The following DENND2B variants were observed in gnomAD, a reference collection of about 807,000 sequenced individuals.
DENND2B encodes DENN domain containing 2B, also known as DENN domain-containing protein 2B.
In DENND2B, 32 loss-of-function variants were observed where a neutral mutation model predicts 116.0. That is an observed-to-expected ratio of 0.28 (90% CI 0.21 to 0.37). DENND2B has a LOEUF of 0.37. Ranked by LOEUF, DENND2B falls within the 10% of genes least tolerant of loss-of-function variation. DENND2B has a pLI of 1.00. For missense variants in DENND2B, 1,276 were observed against 1,477.7 expected, an observed-to-expected ratio of 0.86 and a Z score of 2.24; for synonymous variants, 588 against 583.9, an observed-to-expected ratio of 1.01 and a Z score of -0.10.
intron 1 of DENND2B, among the ~76,000 whole-genome samples, chr11:8,759,990 C>T (rs2054315812): frequency 6.6e-6 from 1 of 152,240 alleles, no homozygotes; most frequent in Non-Finnish European, 1.5e-5. Flanking sequence ...TGGATCCTCC[C>T]ATCAGCCCCT....
chr11:8,843,629 C>A (rs1309124575), intron 3 of DENND2B, among the ~76,000 whole-genome samples: 2 of 152,198 alleles, frequency 1.3e-5, no homozygotes, highest in East Asian at 1.9e-4. Flanking sequence ...CCAGCCCCAC[C>A]ACCGCCTCTC....
chr11:8,811,913 T>C (rs1350687051), upstream of DENND2B, among the ~76,000 whole-genome samples: 1 of 152,068 alleles, frequency 6.6e-6, no homozygotes, highest in East Asian at 1.9e-4. Context: ...TTTTAATTTT[T>C]ATTTTTATAG....
Position 8,714,659 on chromosome 11 carries a change from C to T in DENND2B, c.1893G>A (p.Lys631=). Residue 631 remains lysine (K), a synonymous_variant, in exon 7 of 20, where the codon AAG becomes AAA. Coordinates refer to ENST00000313726, the MANE Select transcript of DENND2B (RefSeq NM_213618.2). ...NSIYNAKRGK[K]RLKKLSMSSI... ...TGGACATAGACAACTTTTTTAATCT[C>T]TTCTTTCCTCTCTTGGCATTGTAGA... 1 of 1,614,204 alleles carries T rather than the reference C, an allele frequency of 6.2e-7. No individual in the cohort carries two copies. The highest frequency in any genetic ancestry group is 1.3e-5 in the African/African-American group (1 of 75,064).
intron 1 of DENND2B, among the ~76,000 whole-genome samples, chr11:8,770,037 G>A (rs1316817167): frequency 6.6e-6 from 1 of 152,082 alleles, no homozygotes; most frequent in Non-Finnish European, 1.5e-5. Context: ...TCAAATCCTG[G>A]CATTTAATCA....
chr11:8,717,845 G>C lies in DENND2B; in HGVS notation c.1525C>G (p.Arg509Gly), dbSNP rs535046385. The change falls in exon 5 of 20, where the codon CGA becomes GGA. Residue 509 changes from arginine (R) to glycine (G), a missense_variant. Physicochemically the swap from Arg to Gly is moderately radical, Grantham distance 125. This residue lies in a region of DENND2B where 856 missense variants were observed against 846.6 expected (regional missense o/e 1.01). Transcript: ENST00000313726. ...TGCTGGGATTTTCGTCCTGCTCTTC[G>C]GCTCTTTAAGTCCACATCCTCATAT... is the stretch of plus-strand genomic sequence containing the variant. ...NPYEDVDLKSRRAGRKSQQLS... is the reference protein window; with the variant it reads ...NPYEDVDLKSGRAGRKSQQLS... 1 of 1,613,186 alleles carries C rather than the reference G, an allele frequency of 6.2e-7. No individual in the cohort carries two copies. Among genetic ancestry groups the C allele is most frequent in the Admixed American group, 1.7e-5 (1 of 59,802 alleles).
chr11:8,793,470 T>G (rs1201152820), intron 1 of DENND2B, among the ~76,000 whole-genome samples: 2 of 152,244 alleles, frequency 1.3e-5, no homozygotes, highest in African/African-American at 4.8e-5. Context: ...TTATTTCAGT[T>G]AGGGCAGCAT....
At chr11:8,835,698 G>A (rs1324080117) in intron 4 of DENND2B, 1 of 152,154 alleles carries the variant, frequency 6.6e-6, no homozygotes, top group Non-Finnish European at 1.5e-5. Flanking sequence ...AGGACGCACT[G>A]GATATTATGT....
At chr11:8,890,645 T>C (rs1356774045) in intron 1 of DENND2B, among the ~76,000 whole-genome samples, 1 of 152,120 alleles carries the variant, frequency 6.6e-6, no homozygotes, top group Non-Finnish European at 1.5e-5. Context: ...GTATCAGTGA[T>C]TGAAGATCAA....
At chr11:8,788,361 T>C (rs963262410) in intron 1 of DENND2B, among the ~76,000 whole-genome samples, 4 of 152,174 alleles carry the variant, frequency 2.6e-5, no homozygotes, top group Admixed American at 2.0e-4. Context: ...CTCTTCAGTA[T>C]TAACCCCCTA....
At chr11:8,843,177 T>C (rs1248694382) in intron 3 of DENND2B, among the ~76,000 whole-genome samples, 2 of 152,090 alleles carry the variant, frequency 1.3e-5, no homozygotes. Flanking sequence ...CCACCACGCC[T>C]GGCTAATTTT....
chr11:8,767,753 C>A (rs568922826), intron 1 of DENND2B, among the ~76,000 whole-genome samples: 16 of 152,302 alleles, frequency 1.1e-4, no homozygotes, highest in African/African-American at 3.9e-4. Context: ...TAGTCTACCC[C>A]CTCGCCTTTG....
At position 8,712,818 on chromosome 11, in the gene DENND2B, T is replaced by A; in HGVS notation, c.1988-83A>T. On this transcript the variant is annotated intron_variant, in intron 8 of 19. Transcript: ENST00000313726. The surrounding 1 kb of genome is among the most constrained non-coding windows in gnomAD (Gnocchi z 4.4). Reference sequence around the variant, plus strand: ...TACCCCTGGCTCAGGGCTCCATTGCTGTGGAGCACTTTTAAGTACGTGAGC... The same window carrying A: ...TACCCCTGGCTCAGGGCTCCATTGCAGTGGAGCACTTTTAAGTACGTGAGC... The A allele has an allele frequency of 7.1e-7, 1 of 1,401,870 alleles. No individual in the cohort carries two copies. Among genetic ancestry groups the A allele is most frequent in the Non-Finnish European group, 9.6e-7 (1 of 1,044,924 alleles). The allele number at this position is 1,401,870 out of a possible 1,614,324, so 86.8% of individuals were successfully genotyped here.
At chr11:8,817,859 C>T (rs368882989) in intron 4 of DENND2B, among the ~76,000 whole-genome samples, 8 of 152,138 alleles carry the variant, frequency 5.3e-5, no homozygotes, top group Middle Eastern at 3.4e-3. Context: ...CTTATTAAGT[C>T]GGAGCATGTT....
At chr11:8,782,774 C>T (rs566832226) in intron 1 of DENND2B, among the ~76,000 whole-genome samples, 5 of 151,240 alleles carry the variant, frequency 3.3e-5, no homozygotes, top group Non-Finnish European at 7.4e-5. Context: ...GTAGTCCCAG[C>T]TACTCGGGAG....
intron 2 of DENND2B, among the ~76,000 whole-genome samples, chr11:8,861,759 G>A (rs1386740700): frequency 6.6e-6 from 1 of 152,086 alleles, no homozygotes. Context: ...ATTCACAACA[G>A]TAAAGATACG....
intron 1 of DENND2B, chr11:8,756,932 A>T (rs533118008): frequency 4.8e-6 from 2 of 417,392 alleles, no homozygotes; most frequent in East Asian, 1.5e-4. Context: ...AGAAAAGGAA[A>T]TTGTTCAATT....
intron 1 of DENND2B, among the ~76,000 whole-genome samples, chr11:8,751,382 A>G (rs928587995): frequency 1.7e-4 from 26 of 152,234 alleles, no homozygotes; most frequent in African/African-American, 6.0e-4. Flanking sequence ...AAGGGAATAA[A>G]AGCAGGCTGC....
chr11:8,722,323 C>A (rs938642966), intron 4 of DENND2B, among the ~76,000 whole-genome samples: 1 of 152,198 alleles, frequency 6.6e-6, no homozygotes, highest in African/African-American at 2.4e-5. Flanking sequence ...GGACTCCAGT[C>A]CAATCACCAG....
chr11:8,795,452 T>G (rs1426852138), intron 1 of DENND2B, among the ~76,000 whole-genome samples: 10 of 152,168 alleles, frequency 6.6e-5, no homozygotes, highest in African/African-American at 9.7e-5. Context: ...AAATTTTTAC[T>G]AAAAAATTTC....
Sources: allele counts gnomAD v4.1 joint callset (sites outside exome capture counted in the v4.1 genomes callset), GRCh38; gene constraint gnomAD v4.1.1; regional missense constraint gnomAD v4.1.1; non-coding constraint Gnocchi (gnomAD v3.1); transcripts MANE v1.5; gene names NCBI Gene and HGNC (gene_info 2026-07-23, HGNC 2026-07-21).